The following SLC39A11 variants were observed in gnomAD, a reference collection of about 807,000 sequenced individuals.
SLC39A11 encodes zinc transporter ZIP11.
Under a neutral mutation model 36.1 loss-of-function variants are expected in SLC39A11, and 33 were observed. The ratio of observed to expected loss-of-function variants is 0.91; its 90% CI spans 0.69 to 1.22. The LOEUF is 1.22. Ranked by LOEUF, SLC39A11 falls within the 50% of genes most tolerant of loss-of-function variation. The probability of loss-of-function intolerance (pLI) is 0.00; values close to 1 mark genes in which losing one functional copy is unlikely to be tolerated. For missense variants in SLC39A11, 432 were observed against 430.3 expected (o/e 1.00, Z -0.03); for synonymous variants, 166 against 170.3 (o/e 0.97, Z 0.20).
intron 6 of SLC39A11, among the ~76,000 whole-genome samples, chr17:72,746,809 G>A (rs1568023096): frequency 2.6e-5 from 4 of 152,084 alleles, no homozygotes; most frequent in East Asian, 3.9e-4. Context: ...CTACTAGGGA[G>A]GATGAGATGG....
intron 5 of SLC39A11, among the ~76,000 whole-genome samples, chr17:72,920,766 C>A (rs1295668342): frequency 2.0e-5 from 3 of 149,962 alleles, no homozygotes; most frequent in African/African-American, 7.4e-5. Flanking sequence ...TACTTCCCAC[C>A]CCCTCTACAA....
At chr17:73,088,914 G>A (rs889089145) in intron 1 of SLC39A11, 139 bp from the exon 2 acceptor site, 1 of 642,264 alleles carries the variant, frequency 1.6e-6, no homozygotes. Context: ...CACGCCATCT[G>A]TGTCCCTCAG....
At position 73,056,181 on chromosome 17, in the gene SLC39A11, T is replaced by G. The variant is rs578227329; in HGVS notation, c.148-24467A>C. On this transcript the variant is annotated intron_variant, in intron 3 of 9. Transcript: ENST00000255559. ...ACTCTGGTTTTTTGTTTGTTTGTTT[T>G]TTTTTGAGACGGAGTCTCGCTCTGT... Among the ~76,000 whole-genome samples, 54 of 151,876 alleles carry G rather than the reference T, an allele frequency of 3.6e-4. 1 individual carries two copies. Among genetic ancestry groups the G allele is most frequent in the South Asian group, 6.2e-4 (3 of 4,808 alleles).
intron 6 of SLC39A11, among the ~76,000 whole-genome samples, chr17:72,746,702 C>T (rs976629565): frequency 7.2e-5 from 11 of 152,056 alleles, no homozygotes; most frequent in Admixed American, 6.5e-4. Context: ...CACACCACTG[C>T]ACTCCAGCCT....
chr17:72,815,587 A>G (rs1430531004), intron 6 of SLC39A11, among the ~76,000 whole-genome samples: 1 of 152,058 alleles, frequency 6.6e-6, no homozygotes, highest in Non-Finnish European at 1.5e-5. Flanking sequence ...ACTGCACTCC[A>G]GCCTGGGCAA....
chr17:72,883,520 TAGCC>T (rs2081307600), intron 5 of SLC39A11, among the ~76,000 whole-genome samples: 2 of 151,764 alleles, frequency 1.3e-5, no homozygotes, highest in Non-Finnish European at 2.9e-5. Context: ...TGGCAGAAGC[TAGCC>T]AGTTAATTAC....
At chr17:72,893,922 T>C (rs2081892547) in intron 5 of SLC39A11, among the ~76,000 whole-genome samples, 1 of 152,174 alleles carries the variant, frequency 6.6e-6, no homozygotes, top group African/African-American at 2.4e-5. Context: ...GTCTGCTATA[T>C]ACCAGGCCCT....
intron 1 of SLC39A11, 64 bp from the exon 2 acceptor site, chr17:73,088,839 G>A: frequency 5.7e-6 from 7 of 1,219,348 alleles, no homozygotes; most frequent in Non-Finnish European, 8.3e-6. Flanking sequence ...CGCATATTCT[G>A]ACGGGTCCTA....
At chr17:73,087,787 T>G (rs1022416524) in intron 2 of SLC39A11, among the ~76,000 whole-genome samples, 1 of 151,480 alleles carries the variant, frequency 6.6e-6, no homozygotes, top group African/African-American at 2.4e-5. Context: ...GAGAAAGAAG[T>G]AAGAGTTTGC....
intron 5 of SLC39A11, among the ~76,000 whole-genome samples, chr17:72,939,853 C>CTGA (rs2084988135): frequency 6.6e-6 from 1 of 152,132 alleles, no homozygotes; most frequent in African/African-American, 2.4e-5. Context: ...CTGAAGGGAC[C>CTGA]AGAGTGTTTC....
At chr17:72,969,962 G>A (rs2087316957) in intron 4 of SLC39A11, among the ~76,000 whole-genome samples, 1 of 152,188 alleles carries the variant, frequency 6.6e-6, no homozygotes, top group Non-Finnish European at 1.5e-5. Flanking sequence ...GGCTGGTCCG[G>A]GGACCGAAGC....
At chr17:72,914,911 T>G (rs2083247823) in intron 5 of SLC39A11, among the ~76,000 whole-genome samples, 1 of 133,314 alleles carries the variant, frequency 7.5e-6, no homozygotes, top group Admixed American at 7.5e-5. Context: ...TGCCTTTTGT[T>G]TGCGGTGGTT....
chr17:72,651,765 C>A (rs2069864336), intron 7 of SLC39A11, among the ~76,000 whole-genome samples: 1 of 152,170 alleles, frequency 6.6e-6, no homozygotes, highest in Non-Finnish European at 1.5e-5. Flanking sequence ...TCTCTTGGGA[C>A]TGACAGAAGC....
rs137955073 is a variant in SLC39A11 at position 72,876,727 on chromosome 17, C to T, written c.431-26923G>A. Among the ~76,000 whole-genome samples, 233 of 152,270 alleles carry T rather than the reference C, an allele frequency of 1.5e-3. 1 individual carries two copies. Among genetic ancestry groups the T allele is most frequent in the African/African-American group, 5.3e-3 (221 of 41,558 alleles). ...ATTCCTGTTTCCCCACACATGGTTC[C>T]ATTTCTTCCCTGCTATATAAACCCC... On this transcript the variant is annotated intron_variant, in intron 5 of 9. Transcript: ENST00000255559.
At chr17:73,052,386 G>A (rs1337061436) in intron 3 of SLC39A11, among the ~76,000 whole-genome samples, 1 of 151,878 alleles carries the variant, frequency 6.6e-6, no homozygotes, top group South Asian at 2.1e-4. Flanking sequence ...AAAACACTTT[G>A]CTCTTTTTAT....
rs117999340 is a variant in SLC39A11, at chr17:72,820,519, C to T, written c.601+29115G>A. 3.9e-3 allele frequency among the ~76,000 whole-genome samples: 595 copies of T among 151,178 alleles called. 40 individuals are homozygous for T. Among genetic ancestry groups the T allele is most frequent in the Admixed American group, 8.4e-3 (127 of 15,170 alleles). On this transcript the variant is annotated intron_variant, in intron 6 of 9. Transcript: ENST00000255559. ...AGGAGCACCCTCTCTCTCCTGCCACCGCGGATCTATTACATGGCACATCCT... is the reference window on the plus strand; with the variant it reads ...AGGAGCACCCTCTCTCTCCTGCCACTGCGGATCTATTACATGGCACATCCT...
At chr17:72,674,993 T>TGC (rs2071192058) in intron 7 of SLC39A11, among the ~76,000 whole-genome samples, 1 of 151,516 alleles carries the variant, frequency 6.6e-6, no homozygotes, top group Non-Finnish European at 1.5e-5. Context: ...CGTATGTGTG[T>TGC]GTGTGTGTGT....
intron 4 of SLC39A11, among the ~76,000 whole-genome samples, chr17:72,958,866 GAA>G (rs1352681278): frequency 1.0e-5 from 1 of 95,430 alleles, no homozygotes; most frequent in Admixed American, 1.1e-4. Context: ...AAAGAAAAAA[GAA>G]AAAAAAAAAA....
At chr17:72,786,262 T>A (rs2076512106) in intron 6 of SLC39A11, among the ~76,000 whole-genome samples, 1 of 152,182 alleles carries the variant, frequency 6.6e-6, no homozygotes, top group Non-Finnish European at 1.5e-5. Context: ...TGTGCCAGAA[T>A]AGTTGATGGA....
Sources: allele counts gnomAD v4.1 joint callset (sites outside exome capture counted in the v4.1 genomes callset), GRCh38; gene constraint gnomAD v4.1.1; transcripts MANE v1.5; gene names NCBI Gene and HGNC (gene_info 2026-07-23, HGNC 2026-07-21).